Variants in LTBP1 observed in about 807,000 individuals in gnomAD.
LTBP1 encodes the protein latent-transforming growth factor beta-binding protein 1.
In LTBP1, 129 loss-of-function variants were observed where a neutral mutation model predicts 207.6. That is an observed-to-expected ratio of 0.62 (90% confidence interval 0.54 to 0.72). The LOEUF (loss-of-function observed/expected upper bound fraction) is 0.72. Among genes scored for constraint, LTBP1 ranks in the 30% least tolerant of loss-of-function variants. The pLI, the probability that LTBP1 is intolerant of heterozygous loss-of-function variation, is 0.00. For missense variants in LTBP1, 2,281 were observed against 2,217.2 expected, an observed-to-expected ratio of 1.03 and a Z score of -0.58; for synonymous variants, 963 against 833.7, an observed-to-expected ratio of 1.16 and a Z score of -2.67.
intron 7 of LTBP1, among the ~76,000 whole-genome samples, chr2:33,206,154 C>G (rs918365573): frequency 1.3e-5 from 2 of 152,200 alleles, no homozygotes; most frequent in Admixed American, 1.3e-4. Flanking sequence ...AGAGTCAGGG[C>G]AGTGGACAAG....
Position 33,245,285 on chromosome 2 carries a change from C to T in LTBP1, c.1999+1501C>T, listed in dbSNP as rs906378125. On this transcript the variant is annotated intron_variant, in intron 10 of 33. Coordinates refer to ENST00000404816, the MANE Select transcript of LTBP1 (RefSeq NM_206943.4). ...TGACATGTTCTTCATGAGTTTACTG[C>T]CATTCATTTTTAACGAAGCTTATCT... 2.0e-5 allele frequency among the ~76,000 whole-genome samples: 3 copies of T among 152,116 alleles called. 1 individual carries two copies. The highest frequency in any genetic ancestry group is 4.4e-5 in the Non-Finnish European group (3 of 68,026).
intron 2 of LTBP1, among the ~76,000 whole-genome samples, chr2:32,969,375 C>T (rs897265193): frequency 2.6e-5 from 4 of 152,106 alleles, no homozygotes; most frequent in South Asian, 2.1e-4. Context: ...ATTTCATCAC[C>T]TGAGGAATAA....
intron 5 of LTBP1, among the ~76,000 whole-genome samples, chr2:33,144,847 G>A (rs2082890683): frequency 1.3e-5 from 2 of 152,118 alleles, no homozygotes; most frequent in South Asian, 4.1e-4. Flanking sequence ...GTATTTCCAG[G>A]TGGAGAAAGA....
rs188680590 is a variant in LTBP1, at chr2:32,960,098, T to G, written c.565+11153T>G. ...CTTCATAAATCATTTACTACAATGA[T>G]TCAAGGGTGAGGATACTCCTGCCTC... is the stretch of plus-strand genomic sequence containing the variant. On this transcript the variant is annotated intron_variant, in intron 2 of 33. Transcript: ENST00000404816. 3.0e-3 allele frequency among the ~76,000 whole-genome samples: 451 copies of G among 152,274 alleles called. 5 individuals are homozygous for G. Among genetic ancestry groups the G allele is most frequent in the African/African-American group, 0.01 (433 of 41,548 alleles).
intron 3 of LTBP1, among the ~76,000 whole-genome samples, chr2:33,041,442 G>T (rs1226841776): frequency 1.3e-5 from 2 of 152,204 alleles, no homozygotes; most frequent in East Asian, 1.9e-4. Context: ...CCGCCACCAT[G>T]CCCAGCTAAT....
intron 31 of LTBP1, among the ~76,000 whole-genome samples, chr2:33,381,986 G>A (rs186453771): frequency 5.9e-4 from 89 of 149,732 alleles, no homozygotes; most frequent in African/African-American, 1.9e-3. Context: ...TGTCTGGTGC[G>A]TAGGAACTTA....
intron 26 of LTBP1, among the ~76,000 whole-genome samples, chr2:33,356,686 G>A (rs77289158): frequency 0.011 from 1,676 of 152,208 alleles, 30 homozygotes; most frequent in African/African-American, 0.038. Context: ...CTCATTTTCC[G>A]AGTTCTTGTG....
intron 7 of LTBP1, among the ~76,000 whole-genome samples, chr2:33,214,886 G>A (rs1461406191): frequency 6.6e-6 from 1 of 151,036 alleles, no homozygotes; most frequent in Non-Finnish European, 1.5e-5. Flanking sequence ...AAAAAAAAAA[G>A]CAATTGTTTT....
chr2:33,185,314 AC>A (rs1198048003), intron 5 of LTBP1, among the ~76,000 whole-genome samples: 1 of 152,172 alleles, frequency 6.6e-6, no homozygotes, highest in African/African-American at 2.4e-5. Context: ...AGGGGGCAGC[AC>A]CCAGGTGTTT....
chr2:33,285,741 C>G (rs546321522), intron 19 of LTBP1: 1 of 152,252 alleles, frequency 6.6e-6, no homozygotes, highest in Admixed American at 6.5e-5. Flanking sequence ...GCCACCGCAC[C>G]TGGCCTTTTG....
chr2:33,081,403 G>A (rs181229392), intron 3 of LTBP1, among the ~76,000 whole-genome samples: 131 of 152,070 alleles, frequency 8.6e-4, no homozygotes, highest in Non-Finnish European at 1.5e-3. Context: ...GGACACACAC[G>A]AGCATACACA....
In LTBP1 at chr2:33,398,882, A is replaced by C. The variant is rs1053432112; in HGVS notation, c.*337A>C. The C allele has an allele frequency of 2.4e-5, 4 of 166,980 alleles. No individual in the cohort carries two copies. The highest frequency in any genetic ancestry group is 9.5e-5 in the African/African-American group (4 of 42,116). The allele number at this position is 166,980 out of a possible 1,614,324, so 10.3% of individuals were successfully genotyped here. ...ATTGCTTGATTAAATTTGGCATTTA[A>C]ATAGTGGTGGAAATATTTTATATAA... is the stretch of plus-strand genomic sequence containing the variant. On this transcript the variant is annotated 3_prime_UTR_variant, in exon 34 of 34. Transcript: ENST00000404816.
intron 5 of LTBP1, among the ~76,000 whole-genome samples, chr2:33,178,454 C>T (rs372971035): frequency 7.2e-5 from 11 of 152,258 alleles, no homozygotes; most frequent in Non-Finnish European, 1.3e-4. Context: ...TGTGTGATAG[C>T]GCTTCGTATC....
chr2:33,139,779 G>A (rs1350590270), intron 5 of LTBP1, among the ~76,000 whole-genome samples: 3 of 152,204 alleles, frequency 2.0e-5, no homozygotes, highest in Admixed American at 2.0e-4. Context: ...AATTGGGCAT[G>A]GAGATGTGAA....
intron 3 of LTBP1, among the ~76,000 whole-genome samples, chr2:33,057,045 C>T (rs2077036333): frequency 3.9e-5 from 6 of 151,978 alleles, no homozygotes; most frequent in Admixed American, 3.3e-4. Flanking sequence ...TACAGAGTGT[C>T]GATTGGTATA....
intron 3 of LTBP1, among the ~76,000 whole-genome samples, chr2:33,091,569 G>GT (rs949105412): frequency 2.0e-5 from 3 of 152,162 alleles, no homozygotes; most frequent in African/African-American, 7.2e-5. Context: ...TAGTTAATCA[G>GT]TAAGTCTTAG....
chr2:33,316,596 G>A (rs1230771831), intron 24 of LTBP1, among the ~76,000 whole-genome samples: 2 of 152,206 alleles, frequency 1.3e-5, no homozygotes, highest in Non-Finnish European at 2.9e-5. Flanking sequence ...GAGGGGTTTG[G>A]AAGGGATAGG....
At chr2:33,300,870 A>C (rs2093976989) in intron 21 of LTBP1, among the ~76,000 whole-genome samples, 1 of 152,184 alleles carries the variant, frequency 6.6e-6, no homozygotes, top group Non-Finnish European at 1.5e-5. Context: ...TAAACATGTA[A>C]ATTAATTTAA....
At chr2:33,254,256 T>C (rs983572942) in intron 11 of LTBP1, among the ~76,000 whole-genome samples, 1 of 152,184 alleles carries the variant, frequency 6.6e-6, no homozygotes, top group Non-Finnish European at 1.5e-5. Context: ...GCTTTCAGTT[T>C]GTGAATTTAT....
Sources: gnomAD v4.1 joint callset for allele counts (sites outside exome capture counted in the v4.1 genomes callset) on GRCh38, gnomAD v4.1.1 for gene constraint, MANE v1.5 for transcripts, NCBI Gene and HGNC (gene_info 2026-07-23, HGNC 2026-07-21) for gene names.